MEIS1: variants seen among roughly 807,000 people sequenced by gnomAD.
MEIS1 encodes homeobox protein Meis1.
A neutral mutation model predicts 50.8 loss-of-function variants in MEIS1; 5 were observed. The observed-to-expected ratio is 0.10, with a 90% CI of 0.05 to 0.21. MEIS1 has a LOEUF of 0.21. Ranked by LOEUF, MEIS1 falls within the 10% of genes least tolerant of loss-of-function variation. The pLI is 1.00. For synonymous variants in MEIS1, 176 were observed against 179.3 expected (o/e 0.98, Z 0.15); for missense variants, 318 against 517.3 (o/e 0.61, Z 3.74).
intron 9 of MEIS1, among the ~76,000 whole-genome samples, chr2:66,558,516 A>G (rs1214749783): frequency 6.6e-6 from 1 of 152,136 alleles, no homozygotes; most frequent in Non-Finnish European, 1.5e-5. Context: ...TTAAAGGTCT[A>G]CAGGTTACAT....
chr2:66,541,877 A>T (rs547611112), intron 8 of MEIS1, among the ~76,000 whole-genome samples: 1 of 152,378 alleles, frequency 6.6e-6, no homozygotes, highest in South Asian at 2.1e-4. Flanking sequence ...TAGGAGGCAC[A>T]AAGTGTCTCT....
At chr2:66,519,107 C>G (rs1674047234) in intron 8 of MEIS1, among the ~76,000 whole-genome samples, 1 of 152,138 alleles carries the variant, frequency 6.6e-6, no homozygotes. Context: ...CCCTAAGTAG[C>G]CTTGTCCAAG....
chr2:66,453,801 A>G (rs1379906110), intron 6 of MEIS1, among the ~76,000 whole-genome samples: 3 of 152,136 alleles, frequency 2.0e-5, no homozygotes, highest in South Asian at 2.1e-4. Flanking sequence ...AGGTAGTAGA[A>G]CAAAACAAGA....
intron 7 of MEIS1, among the ~76,000 whole-genome samples, chr2:66,468,911 T>C (rs1423395899): frequency 3.3e-5 from 5 of 152,232 alleles, no homozygotes; most frequent in Non-Finnish European, 7.3e-5. Context: ...ATTGGTATTA[T>C]GTATTAAGAG....
At chr2:66,471,343 A>C (rs1672756743) in intron 7 of MEIS1, among the ~76,000 whole-genome samples, 1 of 152,202 alleles carries the variant, frequency 6.6e-6, no homozygotes, top group Non-Finnish European at 1.5e-5. Context: ...AAGGTGCGAT[A>C]TTTATTGTGT....
intron 9 of MEIS1, among the ~76,000 whole-genome samples, chr2:66,557,477 C>A (rs1339123389): frequency 2.6e-5 from 4 of 152,126 alleles, no homozygotes; most frequent in Non-Finnish European, 5.9e-5. Context: ...CACTAATCTA[C>A]TTTCTGTCTC....
chr2:66,447,385 A>G (rs1279839702), intron 6 of MEIS1, among the ~76,000 whole-genome samples: 4 of 152,214 alleles, frequency 2.6e-5, no homozygotes, highest in Non-Finnish European at 4.4e-5. Flanking sequence ...TCTTAGCATC[A>G]CCTAACTTTA....
chr2:66,444,180 C>T (rs1286076696), intron 6 of MEIS1, among the ~76,000 whole-genome samples: 4 of 144,990 alleles, frequency 2.8e-5, no homozygotes, highest in African/African-American at 5.0e-5. Flanking sequence ...TCCCACCCTT[C>T]CCCCCTATAT....
chr2:66,442,820 C>T (rs1160999427), intron 5 of MEIS1, 82 bp from the exon 6 acceptor site: 1 of 1,346,432 alleles, frequency 7.4e-7, no homozygotes, highest in Non-Finnish European at 1.0e-6. Flanking sequence ...TTGGATCTCA[C>T]AAGGGGGGTG....
At chr2:66,452,177 C>A (rs569197035) in intron 6 of MEIS1, among the ~76,000 whole-genome samples, 2 of 151,836 alleles carry the variant, frequency 1.3e-5, no homozygotes, top group Admixed American at 6.6e-5. Flanking sequence ...GTTTTATAAT[C>A]CACGCTTGAG....
intron 8 of MEIS1, among the ~76,000 whole-genome samples, chr2:66,513,261 G>T (rs1316227536): frequency 6.6e-6 from 1 of 152,088 alleles, no homozygotes; most frequent in Non-Finnish European, 1.5e-5. Context: ...CTTGAGGGTT[G>T]TTTTTTAATA....
intron 10 of MEIS1, 43 bp from the exon 11 acceptor site, chr2:66,568,624 C>T (rs759379454): frequency 2.0e-6 from 3 of 1,475,854 alleles, no homozygotes; most frequent in South Asian, 1.1e-5. Flanking sequence ...TTCTTTTGCT[C>T]TCAGAGACTG....
At chr2:66,498,922 T>C (rs748842946) in intron 7 of MEIS1, among the ~76,000 whole-genome samples, 1 of 152,238 alleles carries the variant, frequency 6.6e-6, no homozygotes, top group East Asian at 1.9e-4. Context: ...CTGTTTCGTA[T>C]GCACATGAAA....
chr2:66,543,135 C>T (rs1317493568), intron 8 of MEIS1, among the ~76,000 whole-genome samples: 3 of 152,132 alleles, frequency 2.0e-5, no homozygotes, highest in African/African-American at 4.8e-5. Flanking sequence ...TTTTCTGTCA[C>T]TTTCTATTTG....
intron 5 of MEIS1, chr2:66,441,800 C>T (rs966210908): frequency 3.8e-6 from 1 of 260,022 alleles, no homozygotes; most frequent in South Asian, 6.3e-5. Flanking sequence ...GTTGTCTCTT[C>T]TCATCCTCTT....
At chr2:66,549,667 G>A (rs373895035) in intron 9 of MEIS1, among the ~76,000 whole-genome samples, 3 of 152,102 alleles carry the variant, frequency 2.0e-5, no homozygotes, top group African/African-American at 7.2e-5. Context: ...ACAAATGTCC[G>A]CATTTCCCTG....
At chr2:66,537,466 T>C (rs1469743201) in intron 8 of MEIS1, among the ~76,000 whole-genome samples, 2 of 152,156 alleles carry the variant, frequency 1.3e-5, no homozygotes, top group African/African-American at 4.8e-5. Context: ...GTGGGAAAAT[T>C]AGCACTAGAG....
intron 7 of MEIS1, among the ~76,000 whole-genome samples, chr2:66,465,406 A>G (rs1027493389): frequency 6.6e-6 from 1 of 152,174 alleles, no homozygotes; most frequent in African/African-American, 2.4e-5. Context: ...TCTGACTTTT[A>G]CTGGAAAATG....
intron 2 of MEIS1, chr2:66,439,347 A>G: frequency 1.7e-6 from 2 of 1,206,180 alleles, no homozygotes; most frequent in Non-Finnish European, 2.1e-6. Context: ...ACGGCCATGG[A>G]CGTCCTTTCC....
Sources: gnomAD v4.1 joint callset for allele counts (sites outside exome capture counted in the v4.1 genomes callset) on GRCh38, gnomAD v4.1.1 for gene constraint, MANE v1.5 for transcripts, NCBI Gene and HGNC (gene_info 2026-07-23, HGNC 2026-07-21) for gene names.